The following SUPT3H variants were observed in gnomAD, a reference collection of about 807,000 sequenced individuals.
SUPT3H encodes the protein SPT3 homolog, SAGA and STAGA complex component, also known as transcription initiation protein SPT3 homolog.
Under a neutral mutation model 44.3 loss-of-function variants are expected in SUPT3H, and 44 were observed. That is an observed-to-expected ratio of 0.99 (90% CI 0.78 to 1.28). The LOEUF is 1.28. Among genes scored for constraint, SUPT3H ranks in the 50% most tolerant of loss-of-function variants. SUPT3H has a pLI of 0.00. For synonymous variants in SUPT3H, 124 were observed against 125.6 expected (o/e 0.99, Z 0.09); for missense variants, 380 against 387.1 (o/e 0.98, Z 0.15).
At chr6:45,006,245 T>TTTA (rs1157000219) in intron 5 of SUPT3H, among the ~76,000 whole-genome samples, 1 of 152,134 alleles carries the variant, frequency 6.6e-6, no homozygotes, top group African/African-American at 2.4e-5. Flanking sequence ...TTTGTGGTTG[T>TTTA]TTATAATGTC....
chr6:45,131,994 A>G (rs1803539787), intron 2 of SUPT3H, among the ~76,000 whole-genome samples: 1 of 152,212 alleles, frequency 6.6e-6, no homozygotes, highest in South Asian at 2.1e-4. Context: ...TTCAATTTAT[A>G]AATTGAGCAC....
intron 2 of SUPT3H, among the ~76,000 whole-genome samples, chr6:45,113,286 G>T (rs943507803): frequency 2.6e-5 from 4 of 151,996 alleles, no homozygotes; most frequent in African/African-American, 7.3e-5. Flanking sequence ...TCATACTGTT[G>T]TTTATGTCAT....
chr6:44,922,357 T>C (rs1214002139), intron 10 of SUPT3H, among the ~76,000 whole-genome samples: 1 of 152,238 alleles, frequency 6.6e-6, no homozygotes, highest in Non-Finnish European at 1.5e-5. Context: ...GCAAATTTCC[T>C]ATTTAAAACA....
At chr6:44,969,155 TC>T (rs1168177991) in intron 6 of SUPT3H, among the ~76,000 whole-genome samples, 3 of 152,200 alleles carry the variant, frequency 2.0e-5, no homozygotes, top group African/African-American at 7.2e-5. Context: ...TCCTGCACTT[TC>T]CCATGTGTGC....
chr6:44,842,973 T>C (rs570452207), intron 10 of SUPT3H, among the ~76,000 whole-genome samples: 1 of 152,190 alleles, frequency 6.6e-6, no homozygotes, highest in South Asian at 2.1e-4. Context: ...AATTATCACC[T>C]GGGCACATTG....
chr6:44,835,552 T>C (rs1769713863), intron 10 of SUPT3H, among the ~76,000 whole-genome samples: 1 of 151,414 alleles, frequency 6.6e-6, no homozygotes, highest in African/African-American at 2.4e-5. Flanking sequence ...CTGGCTTTGC[T>C]TTGCTGGGAG....
intron 2 of SUPT3H, among the ~76,000 whole-genome samples, chr6:45,211,230 A>C (rs2153630486): frequency 6.6e-6 from 1 of 152,252 alleles, no homozygotes; most frequent in South Asian, 2.1e-4. Flanking sequence ...ATGTAAGTAA[A>C]CTTTTATTTC....
intron 2 of SUPT3H, among the ~76,000 whole-genome samples, chr6:45,295,956 A>G (rs559042284): frequency 5.5e-4 from 83 of 152,244 alleles, no homozygotes; most frequent in Middle Eastern, 3.4e-3. Context: ...CTACCATTTG[A>G]TCCAGCAATC....
intron 2 of SUPT3H, among the ~76,000 whole-genome samples, chr6:45,182,412 C>A (rs914481313): frequency 2.6e-5 from 4 of 152,158 alleles, no homozygotes; most frequent in Non-Finnish European, 5.9e-5. Context: ...CAGGCACCTG[C>A]CCCCACGCCT....
chr6:45,320,553 A>G (rs1161117003), intron 2 of SUPT3H, among the ~76,000 whole-genome samples: 1 of 151,954 alleles, frequency 6.6e-6, no homozygotes, highest in African/African-American at 2.4e-5. Context: ...TGCTGGGATT[A>G]TAGGTGTGAA....
At chr6:44,887,802 A>G (rs1210223038) in intron 10 of SUPT3H, among the ~76,000 whole-genome samples, 13 of 151,664 alleles carry the variant, frequency 8.6e-5, no homozygotes, top group Non-Finnish European at 1.8e-4. Context: ...GACACAAAAA[A>G]CCCTTCAAAA....
chr6:45,350,867 C>G (rs998060027), intron 2 of SUPT3H, among the ~76,000 whole-genome samples: 1 of 152,140 alleles, frequency 6.6e-6, no homozygotes. Context: ...CCCCAACCCC[C>G]AGTTCCAGTT....
At chr6:45,224,243 C>T (rs2153636818) in intron 2 of SUPT3H, among the ~76,000 whole-genome samples, 1 of 151,874 alleles carries the variant, frequency 6.6e-6, no homozygotes, top group South Asian at 2.1e-4. Context: ...TAAAGATGTT[C>T]TCATTACTCA....
At chr6:45,234,714 C>T (rs866323995) in intron 2 of SUPT3H, among the ~76,000 whole-genome samples, 2 of 152,128 alleles carry the variant, frequency 1.3e-5, no homozygotes, top group Middle Eastern at 3.4e-3. Context: ...TAAAATTATT[C>T]CACTTAAAAA....
chr6:44,953,559 A>G, intron 8 of SUPT3H, 142 bp from the exon 9 acceptor site: 1 of 623,386 alleles, frequency 1.6e-6, no homozygotes. Context: ...ATGAGCACAC[A>G]CTTTCATTGA....
At chr6:45,035,765 C>A (rs1040508896) in intron 3 of SUPT3H, among the ~76,000 whole-genome samples, 1 of 151,864 alleles carries the variant, frequency 6.6e-6, no homozygotes, top group Non-Finnish European at 1.5e-5. Context: ...ACTCACTTTC[C>A]GTTTTAATTT....
intron 9 of SUPT3H, 84 bp downstream of exon 9, chr6:44,953,226 T>C (rs931808851): frequency 8.7e-6 from 9 of 1,029,808 alleles, no homozygotes; most frequent in Admixed American, 2.0e-5. Flanking sequence ...TCCTGCATAA[T>C]CTTTATTAAA....
chr6:44,860,579 AT>A (rs1396536957), intron 10 of SUPT3H, among the ~76,000 whole-genome samples: 1 of 152,216 alleles, frequency 6.6e-6, no homozygotes, highest in Non-Finnish European at 1.5e-5. Context: ...TTTTGCCATT[AT>A]AACAGGATTC....
intron 3 of SUPT3H, chr6:45,098,860 G>A: frequency 1.8e-6 from 1 of 549,450 alleles, no homozygotes; most frequent in Admixed American, 1.9e-5. Context: ...AGTGGCTGCT[G>A]AGAAGTCCTT....
Sources: allele counts gnomAD v4.1 joint callset (sites outside exome capture counted in the v4.1 genomes callset), GRCh38; gene constraint gnomAD v4.1.1; transcripts MANE v1.5; gene names NCBI Gene and HGNC (gene_info 2026-07-23, HGNC 2026-07-21).